Variants in MBD5 observed in about 807,000 individuals in gnomAD.
The protein encoded by MBD5 is methyl-CpG binding domain protein 5.
Under a neutral mutation model 117.3 loss-of-function variants are expected in MBD5, and 13 were observed. That is an observed-to-expected ratio of 0.11 (90% confidence interval 0.07 to 0.18). MBD5 has a LOEUF of 0.18. MBD5 is among the 10% of genes least tolerant of loss of function. The pLI, the probability that MBD5 is intolerant of heterozygous loss-of-function variation, is 1.00. For synonymous variants in MBD5, 727 were observed against 766.4 expected, an observed-to-expected ratio of 0.95 and a Z score of 0.85; for missense variants, 1,879 against 2,093.8, an observed-to-expected ratio of 0.90 and a Z score of 2.00.
At position 148,176,302 on chromosome 2, in the gene MBD5, TTG is replaced by T. The variant is rs1397208856; in HGVS notation, c.-924-2396_-924-2395del. 7.0e-3 allele frequency among the ~76,000 whole-genome samples: 1,006 copies of T among 143,482 alleles called. 14 individuals carry two copies. Among genetic ancestry groups the T allele is most frequent in the African/African-American group, 0.025 (945 of 38,226 alleles). 94.1% of individuals were successfully genotyped at this position (143,482 alleles called of 152,430 possible). A position where few individuals can be genotyped will look rare whatever the true frequency, so the allele number is the denominator to read the frequency against. The stretch of plus-strand genomic sequence containing the variant: ...ATAATTACCTCTGTTTATTAGAGTT[TTG>T]TTTTTTTTTTTTTTTTTTCAGAAAA... On this transcript the variant is annotated intron_variant, in intron 1 of 13. Transcript: ENST00000642680.
chr2:148,414,831 C>A (rs1047883764), intron 4 of MBD5, among the ~76,000 whole-genome samples: 4 of 151,924 alleles, frequency 2.6e-5, no homozygotes, highest in Non-Finnish European at 5.9e-5. Context: ...TTTTCCATCC[C>A]TTTACTTTGA....
chr2:148,027,744 G>T (rs78322741), intron 1 of MBD5: 2 of 152,046 alleles, frequency 1.3e-5, no homozygotes, highest in Admixed American at 1.3e-4. Context: ...TGACTCTATC[G>T]TCCTGCAAAT....
chr2:148,343,218 G>A (rs189137399), intron 4 of MBD5, among the ~76,000 whole-genome samples: 3 of 152,076 alleles, frequency 2.0e-5, no homozygotes, highest in Admixed American at 2.0e-4. Flanking sequence ...TTACTATGAA[G>A]AATAGTGCTT....
At chr2:148,344,697 C>T (rs1056218052) in intron 4 of MBD5, among the ~76,000 whole-genome samples, 2 of 151,860 alleles carry the variant, frequency 1.3e-5, no homozygotes, top group Non-Finnish European at 2.9e-5. Flanking sequence ...CTTCCAGGAG[C>T]CTTTTGGTGG....
rs373510835 is a variant in MBD5, at chr2:148,328,917, A to G, written c.-679-13297A>G. Reference sequence around the variant, plus strand: ...TTTAATTAAAGTTATCTTTAATTCAAGAATATCATTCTTATTTCATTGTTT... The same window carrying G: ...TTTAATTAAAGTTATCTTTAATTCAGGAATATCATTCTTATTTCATTGTTT... On this transcript the variant is annotated intron_variant, in intron 3 of 13. Transcript: ENST00000642680. Among the ~76,000 whole-genome samples the G allele has an allele frequency of 2.6e-5, 4 of 152,364 alleles. 1 individual carries two copies. The highest frequency in any genetic ancestry group is 9.6e-5 in the African/African-American group (4 of 41,590).
intron 3 of MBD5, among the ~76,000 whole-genome samples, chr2:148,249,701 T>G (rs913117570): frequency 6.6e-5 from 10 of 152,230 alleles, no homozygotes; most frequent in Admixed American, 3.3e-4. Context: ...AAATTGTGCT[T>G]CTTTTTAATT....
intron 1 of MBD5, among the ~76,000 whole-genome samples, chr2:148,105,250 A>G (rs969187937): frequency 4.1e-5 from 6 of 146,800 alleles, no homozygotes; most frequent in Admixed American, 1.4e-4. Flanking sequence ...ACAGAACCTC[A>G]CTCTGCTGCA....
intron 1 of MBD5, among the ~76,000 whole-genome samples, chr2:148,064,032 C>T (rs1263508662): frequency 6.6e-6 from 1 of 151,826 alleles, no homozygotes; most frequent in African/African-American, 2.4e-5. Context: ...GGGACTATAG[C>T]TTCTTACACC....
chr2:148,288,818 T>C (rs1701430879), intron 3 of MBD5, among the ~76,000 whole-genome samples: 1 of 152,146 alleles, frequency 6.6e-6, no homozygotes, highest in Non-Finnish European at 1.5e-5. Context: ...CTAAACAGAA[T>C]TTTTTAAAGG....
In MBD5 at chr2:148,514,542, C is replaced by A. The variant is rs1559111081; in HGVS notation, c.*1601C>A. 6.6e-6 allele frequency: 1 copy of A among 152,238 alleles called. No individual in the cohort carries two copies. The highest frequency in any genetic ancestry group is 6.5e-5 in the Admixed American group (1 of 15,278). The allele number at this position is 152,238 out of a possible 1,614,324, so 9.4% of individuals were successfully genotyped here. A position where few individuals can be genotyped will look rare whatever the true frequency, so the allele number is the denominator to read the frequency against. On this transcript the variant is annotated 3_prime_UTR_variant, in exon 14 of 14. Transcript: ENST00000642680. ...AACCCCTAGAGAGCACTGCCTCGTC[C>A]TCTAGCCTGGGGCTCACACAACAGT...
intron 4 of MBD5, among the ~76,000 whole-genome samples, chr2:148,410,068 T>A (rs1574394301): frequency 1.3e-5 from 2 of 152,152 alleles, no homozygotes; most frequent in East Asian, 3.9e-4. Flanking sequence ...AGAAGAACAA[T>A]TGTTCTTCCA....
intron 2 of MBD5, among the ~76,000 whole-genome samples, chr2:148,226,192 C>T (rs1699814133): frequency 6.6e-6 from 1 of 151,574 alleles, no homozygotes; most frequent in African/African-American, 2.4e-5. Flanking sequence ...TCATATGTGC[C>T]ATGTTGGTGT....
chr2:148,057,848 A>G (rs1694913016), intron 1 of MBD5, among the ~76,000 whole-genome samples: 1 of 151,304 alleles, frequency 6.6e-6, no homozygotes, highest in Admixed American at 6.6e-5. Context: ...GTTAGATTCT[A>G]AAAACTTACT....
chr2:148,371,451 G>T (rs1432324845), intron 4 of MBD5, among the ~76,000 whole-genome samples: 1 of 152,082 alleles, frequency 6.6e-6, no homozygotes, highest in Non-Finnish European at 1.5e-5. Flanking sequence ...ACTCTTTCTT[G>T]CTGTGTTTCT....
intron 1 of MBD5, among the ~76,000 whole-genome samples, chr2:148,123,720 TA>T (rs1349961235): frequency 1.3e-5 from 2 of 152,170 alleles, no homozygotes; most frequent in Non-Finnish European, 2.9e-5. Flanking sequence ...TTGACACTAT[TA>T]AAATAGGTGA....
intron 1 of MBD5, among the ~76,000 whole-genome samples, chr2:148,090,821 A>G (rs887274414): frequency 1.3e-5 from 2 of 152,170 alleles, no homozygotes; most frequent in African/African-American, 2.4e-5. Context: ...TCTATTCAAC[A>G]TAGTGAATCA....
At chr2:148,128,014 T>G (rs1227285807) in intron 1 of MBD5, among the ~76,000 whole-genome samples, 3 of 152,258 alleles carry the variant, frequency 2.0e-5, no homozygotes, top group Non-Finnish European at 2.9e-5. Context: ...ATACGTGTGT[T>G]AGCTGCATGA....
In MBD5 at chr2:148,433,671, G is replaced by A. The variant is rs184187850; in HGVS notation, c.-556-24532G>A. ...TCACATTTATTGACTTGCATATGTG[G>A]AACCAACCTTGCATCCCAGGGATGG... On this transcript the variant is annotated intron_variant, in intron 4 of 13. Transcript: ENST00000642680. Among the ~76,000 whole-genome samples the A allele has an allele frequency of 3.3e-5, 5 of 152,258 alleles. No individual in the cohort carries two copies. In the East Asian group the frequency reaches 9.6e-4, roughly 29 times the overall value.
intron 2 of MBD5, among the ~76,000 whole-genome samples, chr2:148,181,818 A>C (rs1698540927): frequency 6.6e-6 from 1 of 152,128 alleles, no homozygotes. Context: ...GTAGACATTC[A>C]GATTTTAAAT....
Sources: allele counts gnomAD v4.1 joint callset (sites outside exome capture counted in the v4.1 genomes callset), GRCh38; gene constraint gnomAD v4.1.1; transcripts MANE v1.5; gene names NCBI Gene and HGNC (gene_info 2026-07-23, HGNC 2026-07-21).